The following AFF3 variants were observed in gnomAD, a reference collection of about 807,000 sequenced individuals.
AFF3 encodes the protein ALF transcription elongation factor 3, also known as AF4/FMR2 family member 3.
AFF3 carries 32 observed loss-of-function variants against 129.7 expected under a neutral mutation model. The ratio of observed to expected loss-of-function variants is 0.25; its 90% CI spans 0.19 to 0.33. The LOEUF is 0.33. Ranked by LOEUF, AFF3 falls within the 10% of genes least tolerant of loss-of-function variation. The pLI is 1.00. For synonymous variants in AFF3, 644 were observed against 635.4 expected (o/e 1.01, Z -0.20); for missense variants, 1,373 against 1,592.0 (o/e 0.86, Z 2.34).
intron 8 of AFF3, among the ~76,000 whole-genome samples, chr2:99,777,958 A>C (rs1346820859): frequency 3.3e-5 from 5 of 151,340 alleles, no homozygotes; most frequent in East Asian, 1.9e-4. Flanking sequence ...AAAAAAAAAA[A>C]AAAAAAAAAA....
intron 13 of AFF3, among the ~76,000 whole-genome samples, chr2:99,616,905 G>A (rs1464315820): frequency 6.6e-6 from 1 of 152,200 alleles, no homozygotes; most frequent in Admixed American, 6.5e-5. Flanking sequence ...ATGGAATGAT[G>A]TAAGTATGTG....
intron 4 of AFF3, among the ~76,000 whole-genome samples, chr2:100,084,141 T>C (rs1689246339): frequency 1.3e-5 from 2 of 152,204 alleles, no homozygotes; most frequent in Non-Finnish European, 1.5e-5. Context: ...GAAAAAAAAG[T>C]ATTCTATTTA....
Position 99,547,685 on chromosome 2 carries a change from A to G in AFF3, c.*3789T>C. 4.7e-6 allele frequency: 1 copy of G among 210,684 alleles called. No homozygotes were observed. The highest frequency in any genetic ancestry group is 9.6e-6 in the Non-Finnish European group (1 of 103,728). The allele number at this position is 210,684 out of a possible 1,614,324, so 13.1% of individuals were successfully genotyped here. ...AGTTGATGCGAACACGCAGTGACTC[A>G]TACTCAATATTAGGCACTAGTAATA... On this transcript the variant is annotated 3_prime_UTR_variant, in exon 25 of 25. Transcript: ENST00000672756.
chr2:99,750,407 T>C (rs1479102335), intron 9 of AFF3, among the ~76,000 whole-genome samples: 1 of 50,254 alleles, frequency 2.0e-5, no homozygotes, highest in African/African-American at 6.4e-5. Context: ...AGTACTTTTT[T>C]TTTTTCTTTT....
At chr2:100,113,605 T>A (rs1055596488) in intron 2 of AFF3, among the ~76,000 whole-genome samples, 2 of 152,208 alleles carry the variant, frequency 1.3e-5, no homozygotes, top group African/African-American at 4.8e-5. Context: ...CGCCGTGTAC[T>A]ATAACGTATT....
chr2:100,012,539 C>T (rs1296594495), intron 4 of AFF3, among the ~76,000 whole-genome samples: 2 of 152,186 alleles, frequency 1.3e-5, no homozygotes. Context: ...TGTTTTGACT[C>T]ATAAAGACAG....
chr2:99,870,868 T>C (rs1269211059), intron 7 of AFF3, among the ~76,000 whole-genome samples: 1 of 152,234 alleles, frequency 6.6e-6, no homozygotes, highest in African/African-American at 2.4e-5. Flanking sequence ...AAATGTGGAC[T>C]CTGGAACTGG....
rs991644335 is a variant in AFF3 at position 100,132,668 on chromosome 2, C to G, written c.-227-3362G>C. ...AGTGAATAACCAGACTCTCGCTGTC[C>G]ACTATGGTAACCACTAACCACATGT... On this transcript the variant is annotated intron_variant, in intron 1 of 24. Transcript: ENST00000672756. 3.9e-5 allele frequency among the ~76,000 whole-genome samples: 6 copies of G among 152,268 alleles called. No homozygotes were observed. The South Asian group carries it at 1.2e-3, about 32-fold the overall frequency.
chr2:99,727,859 G>A (rs1371791746), intron 10 of AFF3, among the ~76,000 whole-genome samples: 4 of 152,326 alleles, frequency 2.6e-5, no homozygotes, highest in Admixed American at 2.0e-4. Flanking sequence ...ACCACGTCCG[G>A]CCAGGAGGAG....
chr2:99,769,599 T>C (rs1191138975), intron 8 of AFF3, among the ~76,000 whole-genome samples: 2 of 152,246 alleles, frequency 1.3e-5, no homozygotes, highest in African/African-American at 4.8e-5. Context: ...GTCCTTATTG[T>C]AGTCTTTGCA....
At chr2:100,072,836 C>T (rs944242118) in intron 4 of AFF3, among the ~76,000 whole-genome samples, 1 of 152,150 alleles carries the variant, frequency 6.6e-6, no homozygotes, top group Admixed American at 6.5e-5. Context: ...GCCTTTTCAC[C>T]TTCATTTCCC....
intron 4 of AFF3, among the ~76,000 whole-genome samples, chr2:100,069,367 G>T (rs1032230469): frequency 2.6e-5 from 4 of 152,086 alleles, no homozygotes; most frequent in African/African-American, 9.7e-5. Context: ...CCCATGAGTT[G>T]CTAGCAGTCC....
intron 7 of AFF3, among the ~76,000 whole-genome samples, chr2:99,951,586 G>A (rs1052216273): frequency 6.6e-6 from 1 of 152,200 alleles, no homozygotes; most frequent in Non-Finnish European, 1.5e-5. Flanking sequence ...GGATGTTTGA[G>A]AAGGAACCAG....
chr2:99,828,076 A>G (rs1688229383), intron 8 of AFF3, among the ~76,000 whole-genome samples: 1 of 152,134 alleles, frequency 6.6e-6, no homozygotes, highest in South Asian at 2.1e-4. Flanking sequence ...TGGGGATGAG[A>G]AAACCTTACT....
chr2:99,594,972 T>A (rs1386996372), intron 14 of AFF3, among the ~76,000 whole-genome samples: 3 of 152,258 alleles, frequency 2.0e-5, no homozygotes, highest in Non-Finnish European at 4.4e-5. Flanking sequence ...TGGAACACTT[T>A]CCTGCAAGCA....
intron 13 of AFF3, among the ~76,000 whole-genome samples, chr2:99,611,386 C>T (rs372312364): frequency 1.3e-5 from 2 of 152,008 alleles, no homozygotes; most frequent in African/African-American, 4.8e-5. Flanking sequence ...GTATTCTGAG[C>T]GTTTTTGGTA....
chr2:99,957,214 G>A (rs1462834953), intron 7 of AFF3, among the ~76,000 whole-genome samples: 2 of 151,902 alleles, frequency 1.3e-5, no homozygotes, highest in African/African-American at 4.8e-5. Context: ...CGCATTTTTA[G>A]GTAGAGACCA....
At chr2:99,778,870 T>TTG (rs60512639) in intron 8 of AFF3, among the ~76,000 whole-genome samples, 13,665 of 138,352 alleles carry the variant, frequency 0.099, 861 homozygotes, top group African/African-American at 0.2. Flanking sequence ...ACCTATAATT[T>TTG]TGTGTGTGTG....
chr2:99,574,107 C>G (rs932033244), intron 18 of AFF3, among the ~76,000 whole-genome samples: 22 of 152,198 alleles, frequency 1.4e-4, no homozygotes, highest in African/African-American at 5.1e-4. Context: ...TGGCTTTGCA[C>G]TAATAAGATC....
Sources: allele counts gnomAD v4.1 joint callset (sites outside exome capture counted in the v4.1 genomes callset), GRCh38; gene constraint gnomAD v4.1.1; transcripts MANE v1.5; gene names NCBI Gene and HGNC (gene_info 2026-07-23, HGNC 2026-07-21).